GRIN2B: variants seen among roughly 807,000 people sequenced by gnomAD.
GRIN2B encodes the protein glutamate receptor ionotropic, NMDA 2B.
A neutral mutation model predicts 114.5 loss-of-function variants in GRIN2B; 5 were observed. The ratio of observed to expected loss-of-function variants is 0.04; its 90% CI spans 0.02 to 0.09. The LOEUF (loss-of-function observed/expected upper bound fraction) is 0.09, where lower values mean the gene tolerates loss of function less well. Ranked by LOEUF, GRIN2B falls within the 10% of genes least tolerant of loss-of-function variation. The pLI is 1.00. For synonymous variants in GRIN2B, 787 were observed against 745.1 expected, an observed-to-expected ratio of 1.06 and a Z score of -0.92; for missense variants, 1,108 against 1,943.5, an observed-to-expected ratio of 0.57 and a Z score of 8.08.
chr12:13,787,467 G>A (rs1226404571), intron 3 of GRIN2B, among the ~76,000 whole-genome samples: 1 of 152,136 alleles, frequency 6.6e-6, no homozygotes, highest in Non-Finnish European at 1.5e-5. Context: ...AACCCCCAGC[G>A]CCTCTCCCTG....
At chr12:13,950,810 T>C (rs920601513) in intron 2 of GRIN2B, among the ~76,000 whole-genome samples, 1 of 152,174 alleles carries the variant, frequency 6.6e-6, no homozygotes, top group African/African-American at 2.4e-5. Flanking sequence ...TTAGGTAAAA[T>C]ATTACTTTGG....
At chr12:13,976,404 G>A (rs1475595449) in intron 2 of GRIN2B, among the ~76,000 whole-genome samples, 1 of 152,212 alleles carries the variant, frequency 6.6e-6, no homozygotes, top group East Asian at 1.9e-4. Flanking sequence ...TCCTAAGGAT[G>A]GGGTAGAATG....
In GRIN2B at chr12:13,584,129, C is replaced by A. The variant is rs113070078; in HGVS notation, c.2011-12165G>T. ...AGCCTCATCCCCACCACCTTCTCTC[C>A]CACTCTCCTCCCTCACCCACTCCTC... is the stretch of plus-strand genomic sequence containing the variant. On this transcript the variant is annotated intron_variant, in intron 10 of 13. Transcript: ENST00000609686. Among the ~76,000 whole-genome samples the A allele has an allele frequency of 5.7e-3, 874 of 152,210 alleles. 7 individuals carry two copies. The highest frequency in any genetic ancestry group is 0.02 in the African/African-American group (832 of 41,528).
Position 13,562,942 on chromosome 12 carries a change from C to G in GRIN2B, c.4296G>C (p.Ser1432=), listed in dbSNP as rs755880051. 1 of 1,614,048 alleles carries G rather than the reference C, an allele frequency of 6.2e-7. No homozygotes were observed. The highest frequency in any genetic ancestry group is 8.5e-7 in the Non-Finnish European group (1 of 1,180,028). The stretch of plus-strand genomic sequence containing the variant: ...GGGCTGGCACGGCCCCATGAAGGGC[C>G]GAGACCACCGGCTTGTTGGTGACAA... ...RALVTNKPVV[S]ALHGAVPARF... The change falls in exon 14 of 14, where the codon TCG becomes TCC. Residue 1432 remains serine (S), a synonymous_variant. Coordinates refer to ENST00000609686, the MANE Select transcript of GRIN2B (RefSeq NM_000834.5).
chr12:13,761,384 G>A (rs1014918005), intron 3 of GRIN2B, among the ~76,000 whole-genome samples: 1 of 152,164 alleles, frequency 6.6e-6, no homozygotes, highest in Admixed American at 6.5e-5. Flanking sequence ...CTTTGAGAAT[G>A]TCTACAAGAT....
Position 13,567,487 on chromosome 12 carries a change from C to T in GRIN2B, c.2360-224G>A, listed in dbSNP as rs931306971. Among the ~76,000 whole-genome samples, 5 of 152,184 alleles carry T rather than the reference C, an allele frequency of 3.3e-5. No individual in the cohort carries two copies. The East Asian group carries it at 7.7e-4, about 23-fold the overall frequency. On this transcript the variant is annotated intron_variant, in intron 12 of 13. Coordinates refer to ENST00000609686, the MANE Select transcript of GRIN2B (RefSeq NM_000834.5). Reference sequence around the variant, plus strand: ...TAGTAAGCATTCAATAAAAATTTCACATGAGTACCGCAGGCGATATGAACA... The same window carrying T: ...TAGTAAGCATTCAATAAAAATTTCATATGAGTACCGCAGGCGATATGAACA...
chr12:13,866,262 T>C (rs2136747715), intron 2 of GRIN2B, 36 bp from the exon 3 acceptor site: 2 of 1,568,706 alleles, frequency 1.3e-6, no homozygotes, highest in Non-Finnish European at 1.7e-6. Context: ...TAAAATAGGA[T>C]CTACATCACG....
At position 13,690,104 on chromosome 12, in the gene GRIN2B, AAGGT is replaced by A. The variant is rs1950202165; in HGVS notation, c.1011-14249_1011-14246del. Among the ~76,000 whole-genome samples, 5 of 152,148 alleles carry A rather than the reference AAGGT, an allele frequency of 3.3e-5. No homozygotes were observed. The South Asian group carries it at 8.3e-4, about 25-fold the overall frequency. On this transcript the variant is annotated intron_variant, in intron 4 of 13. Transcript: ENST00000609686. Reference sequence around the variant, plus strand: ...TCCATGATAGACAACATACTATTTAAAGGTAAAAATCAAATCTCGTCCTTCTGTT... The same window carrying A: ...TCCATGATAGACAACATACTATTTAAAAAAATCAAATCTCGTCCTTCTGTT...
rs199676457 is a variant in GRIN2B at position 13,563,638 on chromosome 12, G to A, written c.3600C>T (p.Asn1200=). 1.2e-6 allele frequency: 2 copies of A among 1,613,888 alleles called. No homozygotes were observed. Among genetic ancestry groups the A allele is most frequent in the Non-Finnish European group, 1.7e-6 (2 of 1,180,024 alleles). The change falls in exon 14 of 14, where the codon AAC becomes AAT. Residue 1200 remains asparagine, a synonymous_variant. Transcript: ENST00000609686. The stretch of plus-strand genomic sequence containing the variant: ...GGTCCTCCCACTCCACGTTGGTCAG[G>A]TTCTTCTCCCAAGGTGCAGGTACCC... ...VSGVPAPWEK[N]LTNVEWEDRS... is the part of the protein sequence containing the mutation.
In GRIN2B at chr12:13,571,984, TAGAGACAGAGCG is replaced by T. The variant is rs755355703; in HGVS notation, c.2011-32_2011-21del. 3 of 1,599,776 alleles carry T rather than the reference TAGAGACAGAGCG, an allele frequency of 1.9e-6. No homozygotes were observed. In the East Asian group the frequency reaches 6.7e-5, roughly 36 times the overall value. Reference sequence around the variant, plus strand: ...CTGGAACTGGAGAGAGAAAGACAGATAGAGACAGAGCGGGAGATGGAGGGAGAGAGAGAGAGA... The same window carrying T: ...CTGGAACTGGAGAGAGAAAGACAGATGGAGATGGAGGGAGAGAGAGAGAGA... On this transcript the variant is annotated intron_variant, in intron 10 of 13. Coordinates refer to ENST00000609686, the MANE Select transcript of GRIN2B (RefSeq NM_000834.5).
At chr12:13,858,357 G>A (rs534169694) in intron 3 of GRIN2B, among the ~76,000 whole-genome samples, 6 of 152,130 alleles carry the variant, frequency 3.9e-5, no homozygotes, top group South Asian at 2.1e-4. Flanking sequence ...TACTCAGAAA[G>A]GTAGAATAAA....
intron 2 of GRIN2B, among the ~76,000 whole-genome samples, chr12:13,936,377 A>T (rs1000811153): frequency 2.0e-5 from 3 of 152,166 alleles, no homozygotes; most frequent in Non-Finnish European, 4.4e-5. Context: ...TCTGTACCCC[A>T]AAATAAGACC....
chr12:13,976,737 A>G (rs533519073), intron 2 of GRIN2B, among the ~76,000 whole-genome samples: 3 of 152,126 alleles, frequency 2.0e-5, no homozygotes, highest in Admixed American at 6.6e-5. Context: ...TTAGTAGTAT[A>G]TATGTCACCT....
intron 2 of GRIN2B, among the ~76,000 whole-genome samples, chr12:13,908,546 G>A (rs920158984): frequency 2.6e-5 from 4 of 152,180 alleles, no homozygotes; most frequent in Non-Finnish European, 5.9e-5. Flanking sequence ...AATTCAGGAA[G>A]CCTGATCTCA....
intron 4 of GRIN2B, among the ~76,000 whole-genome samples, chr12:13,678,921 A>T (rs1950102638): frequency 6.6e-6 from 1 of 152,140 alleles, no homozygotes; most frequent in South Asian, 2.1e-4. Context: ...AATAAAGTTT[A>T]TGAGACATGT....
At chr12:13,849,245 C>T (rs904649239) in intron 3 of GRIN2B, among the ~76,000 whole-genome samples, 7 of 152,228 alleles carry the variant, frequency 4.6e-5, no homozygotes, top group African/African-American at 1.7e-4. Flanking sequence ...CAGAGCAGCC[C>T]GGTCTTGAGT....
chr12:13,909,648 G>C (rs2136797415), intron 2 of GRIN2B, among the ~76,000 whole-genome samples: 1 of 152,278 alleles, frequency 6.6e-6, no homozygotes, highest in East Asian at 1.9e-4. Context: ...CACTTCACTT[G>C]TCCTTAAAAT....
chr12:13,635,355 G>T (rs1330090404), intron 5 of GRIN2B, among the ~76,000 whole-genome samples: 2 of 152,134 alleles, frequency 1.3e-5, no homozygotes, highest in Non-Finnish European at 2.9e-5. Context: ...GCCTTTAAAT[G>T]CTCCTCTGGG....
At chr12:13,823,334 A>AAT (rs1864972137) in intron 3 of GRIN2B, among the ~76,000 whole-genome samples, 1 of 152,090 alleles carries the variant, frequency 6.6e-6, no homozygotes, top group Non-Finnish European at 1.5e-5. Flanking sequence ...TTAAGTCTTC[A>AAT]ATATTTCTCA....
Sources: allele counts gnomAD v4.1 joint callset (sites outside exome capture counted in the v4.1 genomes callset), GRCh38; gene constraint gnomAD v4.1.1; transcripts MANE v1.5; gene names NCBI Gene and HGNC (gene_info 2026-07-23, HGNC 2026-07-21).